Variants in FAT4 observed in about 807,000 individuals in gnomAD.
FAT4 encodes the protein protocadherin Fat 4.
FAT4 carries 84 observed loss-of-function variants against 303.9 expected under a neutral mutation model. The observed-to-expected ratio is 0.28, with a 90% CI of 0.23 to 0.33. The LOEUF (loss-of-function observed/expected upper bound fraction) is 0.33. Among genes scored for constraint, FAT4 ranks in the 10% least tolerant of loss-of-function variants. The pLI is 1.00. For synonymous variants in FAT4, 2,307 were observed against 2,298.8 expected, an observed-to-expected ratio of 1.00 and a Z score of -0.10; for missense variants, 6,005 against 6,146.8, an observed-to-expected ratio of 0.98 and a Z score of 0.77.
intron 3 of FAT4, among the ~76,000 whole-genome samples, chr4:125,399,664 A>G (rs965904278): frequency 2.6e-5 from 4 of 151,916 alleles, no homozygotes; most frequent in African/African-American, 9.7e-5. Context: ...TAACCTTAAA[A>G]ATTTAAATAA....
At chr4:125,463,890 G>T (rs1240813062) in intron 11 of FAT4, among the ~76,000 whole-genome samples, 1 of 152,020 alleles carries the variant, frequency 6.6e-6, no homozygotes, top group Non-Finnish European at 1.5e-5. Flanking sequence ...CAAGATAATT[G>T]AATTAATATT....
chr4:125,316,358 C>T lies in FAT4; in HGVS notation c.-12-42C>T. On this transcript the variant is annotated intron_variant, in intron 1 of 17. Coordinates refer to ENST00000394329, the MANE Select transcript of FAT4 (RefSeq NM_001291303.3). The surrounding 1 kb of genome is among the most constrained non-coding windows in gnomAD (Gnocchi z 5.7). Reference sequence around the variant, plus strand: ...TCCTTAATCCCTGTAAATATCATTGCGTTTGCTTCACCCCTTCCTTCTCTT... The same window carrying T: ...TCCTTAATCCCTGTAAATATCATTGTGTTTGCTTCACCCCTTCCTTCTCTT... The T allele has an allele frequency of 1.3e-6, 2 of 1,535,862 alleles. No homozygotes were observed. Among genetic ancestry groups the T allele is most frequent in the Non-Finnish European group, 1.8e-6 (2 of 1,141,526 alleles).
In FAT4 at chr4:125,408,651, C is replaced by A; in HGVS notation, c.5777C>A (p.Thr1926Asn). 6.2e-7 allele frequency: 1 copy of A among 1,610,680 alleles called. No individual in the cohort carries two copies. The highest frequency in any genetic ancestry group is 8.5e-7 in the Non-Finnish European group (1 of 1,177,316). Reference sequence around the variant, plus strand: ...GCAGAAGATGGTGGGGGACAATTTACTACCATCAGAGTTTATTTCAATATT... The same window carrying A: ...GCAGAAGATGGTGGGGGACAATTTAATACCATCAGAGTTTATTTCAATATT... The part of the protein sequence containing the change: ...VRAEDGGGQF[T>N]TIRVYFNILD... The change falls in exon 5 of 18, where the codon ACT becomes AAT. Residue 1926 changes from threonine to asparagine, a missense_variant. Transcript: ENST00000394329.
chr4:125,438,133 A>T (rs1179421261), intron 8 of FAT4, among the ~76,000 whole-genome samples: 2 of 152,198 alleles, frequency 1.3e-5, no homozygotes, highest in Non-Finnish European at 2.9e-5. Flanking sequence ...CTTAGACAGT[A>T]TATAGAATAT....
rs1392014600 is a variant in FAT4, at chr4:125,318,738, A to AGGCAAT, written c.2328_2333dup (p.Ala777_Ile778insMetAla). On this transcript the variant is annotated inframe_insertion, in exon 2 of 18. Coordinates refer to ENST00000394329, the MANE Select transcript of FAT4 (RefSeq NM_001291303.3). ...GGTGGCAATTTACAATCTCCCAACC[A>AGGCAAT]GGCAATAGTAACCATCACTGTATTG... 1 of 1,614,052 alleles carries AGGCAAT rather than the reference A, an allele frequency of 6.2e-7. No homozygotes were observed. The highest frequency in any genetic ancestry group is 8.5e-7 in the Non-Finnish European group (1 of 1,179,926).
At chr4:125,389,547 C>G (rs988631558) in intron 2 of FAT4, among the ~76,000 whole-genome samples, 4 of 152,088 alleles carry the variant, frequency 2.6e-5, no homozygotes, top group Non-Finnish European at 5.9e-5. Context: ...CTGCAACAGA[C>G]TTGTGTTTTC....
At chr4:125,358,329 G>A (rs1489123908) in intron 2 of FAT4, among the ~76,000 whole-genome samples, 2 of 152,072 alleles carry the variant, frequency 1.3e-5, no homozygotes, top group East Asian at 3.9e-4. Flanking sequence ...TGATTCAAGT[G>A]CATTACATTT....
At chr4:125,433,147 T>C (rs897258714) in intron 7 of FAT4, among the ~76,000 whole-genome samples, 8 of 152,126 alleles carry the variant, frequency 5.3e-5, no homozygotes, top group African/African-American at 1.9e-4. Flanking sequence ...TAGAAAATAA[T>C]ATGGTAAGGT....
rs1193735622 is a variant in FAT4 at position 125,477,225 on chromosome 4, A to G, written c.12370A>G (p.Arg4124Gly). Residue 4124 changes from arginine to glycine, a missense_variant, in exon 14 of 18, where the codon AGA becomes GGA. Coordinates refer to ENST00000394329, the MANE Select transcript of FAT4 (RefSeq NM_001291303.3). ...IRSLEPILQR[R>G]GHVESHDFVG... ...ATCTCTAGAACCAATCCTTCAGAGAAGAGGACACGTGGAAAGCCATGATTT... is the reference window on the plus strand; with the variant it reads ...ATCTCTAGAACCAATCCTTCAGAGAGGAGGACACGTGGAAAGCCATGATTT... The G allele has an allele frequency of 5.2e-6, 8 of 1,544,012 alleles. No homozygotes were observed. In the Admixed American group the frequency reaches 5.5e-5, roughly 11 times the overall value.
chr4:125,457,746 T>G (rs1366756884), intron 10 of FAT4, among the ~76,000 whole-genome samples: 1 of 152,066 alleles, frequency 6.6e-6, no homozygotes, highest in Non-Finnish European at 1.5e-5. Flanking sequence ...TTTCACAAAA[T>G]GTAATGACAC....
rs764898249 is a variant in FAT4 at position 125,320,609 on chromosome 4, C to T, written c.4198C>T (p.Arg1400Cys). Reference protein sequence around the residue: ...ITAKDQGRPPRSSTMSVVIHV... With the variant: ...ITAKDQGRPPCSSTMSVVIHV... The stretch of plus-strand genomic sequence containing the variant: ...AGCAAAAGACCAAGGAAGACCTCCT[C>T]GTTCATCTACAATGTCAGTGGTTAT... Residue 1400 changes from arginine to cysteine, a missense_variant, in exon 2 of 18, where the codon CGT (arginine) becomes TGT (cysteine). Physicochemically the swap from Arg to Cys is radical, Grantham distance 180. Coordinates refer to ENST00000394329, the MANE Select transcript of FAT4 (RefSeq NM_001291303.3). The T allele has an allele frequency of 9.9e-6, 16 of 1,613,970 alleles. No homozygotes were observed. The African/African-American group carries it at 1.7e-4, about 18-fold the overall frequency.
At chr4:125,331,020 T>C (rs758887188) in intron 2 of FAT4, among the ~76,000 whole-genome samples, 5 of 152,146 alleles carry the variant, frequency 3.3e-5, no homozygotes, top group Non-Finnish European at 7.4e-5. Flanking sequence ...GCTCCCTTCC[T>C]CACTTTCCCC....
intron 8 of FAT4, among the ~76,000 whole-genome samples, chr4:125,443,653 G>T (rs942044658): frequency 7.2e-5 from 11 of 152,132 alleles, no homozygotes; most frequent in African/African-American, 2.7e-4. Context: ...TAGTGTGCTT[G>T]ACATGCACTA....
intron 10 of FAT4, among the ~76,000 whole-genome samples, chr4:125,459,752 T>G (rs758946190): frequency 3.3e-5 from 5 of 152,114 alleles, no homozygotes; most frequent in Non-Finnish European, 7.4e-5. Context: ...TTAATTGACT[T>G]GTAGCATTAA....
chr4:125,415,406 A>G lies in FAT4; in HGVS notation c.6443A>G (p.Asn2148Ser), dbSNP rs918428448. 4 of 1,614,106 alleles carry G rather than the reference A, an allele frequency of 2.5e-6. No homozygotes were observed. Among genetic ancestry groups the G allele is most frequent in the Non-Finnish European group, 3.4e-6 (4 of 1,179,996 alleles). The part of the protein sequence containing the change: ...TEVVVMVLDI[N>S]DNNPIFAQAL... ...GTTGTAGTTATGGTACTTGACATCA[A>G]TGATAACAACCCCATCTTTGCACAA... is the stretch of plus-strand genomic sequence containing the variant. Residue 2148 changes from asparagine to serine, a missense_variant, in exon 6 of 18, where the codon AAT (asparagine) becomes AGT (serine). Coordinates refer to ENST00000394329, the MANE Select transcript of FAT4 (RefSeq NM_001291303.3).
chr4:125,446,401 A>G lies in FAT4; in HGVS notation c.7308A>G (p.Val2436=). ...DRETKDNYTL[V]VVCSDAGSPE... ...AAACAAAAGATAATTATACTTTGGT[A>G]GTGGTCTGCAGTGATGCGGGATCCC... The change falls in exon 9 of 18, where the codon GTA becomes GTG. Residue 2436 remains valine (V), a synonymous_variant. Coordinates refer to ENST00000394329, the MANE Select transcript of FAT4 (RefSeq NM_001291303.3). 6.2e-7 allele frequency: 1 copy of G among 1,613,576 alleles called. No homozygotes were observed.
intron 12 of FAT4, among the ~76,000 whole-genome samples, chr4:125,472,264 A>G (rs917229440): frequency 6.6e-6 from 1 of 152,166 alleles, no homozygotes. Flanking sequence ...ACTTCATGGC[A>G]ATCTTTAAAA....
rs377635696 is a variant in FAT4 at position 125,450,606 on chromosome 4, A to C, written c.9596A>C (p.Asp3199Ala). 1.2e-6 allele frequency: 2 copies of C among 1,614,136 alleles called. No individual in the cohort carries two copies. Among genetic ancestry groups the C allele is most frequent in the African/African-American group, 2.7e-5 (2 of 75,044 alleles). The stretch of plus-strand genomic sequence containing the variant: ...GATAATTCTCCAGTATTCCTCTCTG[A>C]TGACTATTTCCCTACTGTTTTGGAA... ...VNDNSPVFLS[D>A]DYFPTVLENA... is the part of the protein sequence containing the mutation. The change falls in exon 10 of 18, where the codon GAT becomes GCT. Residue 3199 changes from aspartate (D) to alanine (A), a missense_variant. Asp to Ala is a moderately radical substitution (Grantham distance 126). Coordinates refer to ENST00000394329, the MANE Select transcript of FAT4 (RefSeq NM_001291303.3).
intron 2 of FAT4, among the ~76,000 whole-genome samples, chr4:125,388,022 C>T (rs1373597341): frequency 2.6e-5 from 4 of 152,292 alleles, no homozygotes; most frequent in Non-Finnish European, 5.9e-5. Context: ...TGGCTTCAGT[C>T]TAAAAACCTT....
Sources: gnomAD v4.1 joint callset for allele counts (sites outside exome capture counted in the v4.1 genomes callset) on GRCh38, gnomAD v4.1.1 for gene constraint, Gnocchi (gnomAD v3.1) non-coding constraint, MANE v1.5 for transcripts, NCBI Gene and HGNC (gene_info 2026-07-23, HGNC 2026-07-21) for gene names.